Variants in ATP11A observed in about 807,000 individuals in gnomAD.
The protein encoded by ATP11A is phospholipid-transporting ATPase IH.
ATP11A carries 81 observed loss-of-function variants against 154.4 expected under a neutral mutation model. That is an observed-to-expected ratio of 0.52 (90% CI 0.44 to 0.63). The LOEUF (loss-of-function observed/expected upper bound fraction) is 0.63. ATP11A is among the 30% of genes least tolerant of loss of function. ATP11A has a pLI of 0.00. For synonymous variants in ATP11A, 623 were observed against 585.9 expected (o/e 1.06, Z -0.91); for missense variants, 1,316 against 1,474.3 (o/e 0.89, Z 1.76).
At chr13:112,821,960 A>C (rs1421622255) in intron 8 of ATP11A, among the ~76,000 whole-genome samples, 1 of 151,968 alleles carries the variant, frequency 6.6e-6, no homozygotes, top group East Asian at 1.9e-4. Context: ...GCCGGGGAGG[A>C]CGCGCGTGGA....
rs1314480271 is a variant in ATP11A, at chr13:112,819,201, C to T, written c.571-103C>T. ...TGTAACTATTAAACATTTACAAACT[C>T]ATAGGGTCAGCCAGGCTTTGTAATC... On this transcript the variant is annotated intron_variant, in intron 6 of 29. Transcript: ENST00000375645. 11 of 926,096 alleles carry T rather than the reference C, an allele frequency of 1.2e-5. No individual in the cohort carries two copies. In the Admixed American group the frequency reaches 1.5e-4, roughly 13 times the overall value. 57.4% of individuals were successfully genotyped at this position (926,096 alleles called of 1,614,324 possible).
At position 112,858,166 on chromosome 13, in the gene ATP11A, G is replaced by A. The variant is rs148488854; in HGVS notation, c.2543G>A (p.Arg848His). Reference sequence around the variant, plus strand: ...CTAGGTGTCATCGGCAAGGAAGGCCGCCAGGCTGCCAGGAACAGCGACTAT... The same window carrying A: ...CTAGGTGTCATCGGCAAGGAAGGCCACCAGGCTGCCAGGAACAGCGACTAT... ...VGIGVIGKEG[R>H]QAARNSDYAI... The change falls in exon 22 of 30, where the codon CGC becomes CAC. Residue 848 changes from arginine (R) to histidine (H), a missense_variant. Arg to His is a conservative substitution (Grantham distance 29). Coordinates refer to ENST00000375645, the MANE Select transcript of ATP11A (RefSeq NM_015205.3). 51 of 1,613,646 alleles carry A rather than the reference G, an allele frequency of 3.2e-5. 1 individual carries two copies. The highest frequency in any genetic ancestry group is 8.8e-5 in the South Asian group (8 of 91,074).
intron 27 of ATP11A, among the ~76,000 whole-genome samples, chr13:112,873,977 A>C (rs2080633820): frequency 6.6e-6 from 1 of 152,216 alleles, no homozygotes; most frequent in South Asian, 2.1e-4. Flanking sequence ...TGTCAGATTG[A>C]AAGGCCAGAG....
intron 13 of ATP11A, among the ~76,000 whole-genome samples, chr13:112,832,155 C>T (rs2079112036): frequency 6.6e-6 from 1 of 152,208 alleles, no homozygotes; most frequent in Non-Finnish European, 1.5e-5. Flanking sequence ...CACATGCACT[C>T]TCACACACGC....
chr13:112,812,636 A>AC (rs1566518423), intron 5 of ATP11A, among the ~76,000 whole-genome samples: 1 of 151,140 alleles, frequency 6.6e-6, no homozygotes, highest in African/African-American at 2.4e-5. Flanking sequence ...TCAACCACTA[A>AC]CCCCCCACCG....
intron 8 of ATP11A, 31 bp downstream of exon 8, chr13:112,819,981 G>T (rs144474738): frequency 1.9e-6 from 3 of 1,558,124 alleles, no homozygotes; most frequent in East Asian, 4.7e-5. Context: ...CTTGGCCACG[G>T]TCACCTCCCT....
At position 112,806,240 on chromosome 13, in the gene ATP11A, G is replaced by C. The variant is rs778422029; in HGVS notation, c.280G>C (p.Val94Leu). The change falls in exon 4 of 30, where the codon GTG (valine) becomes CTG (leucine). Residue 94 changes from valine (V) to leucine (L), a missense_variant. Val to Leu is a conservative substitution (Grantham distance 32, BLOSUM62 1). Transcript: ENST00000375645. ...GATTATTGATACACCCACAAGTCCAGTGACAAGCGGACTTCCACTCTTCTT... is the reference window on the plus strand; with the variant it reads ...GATTATTGATACACCCACAAGTCCACTGACAAGCGGACTTCCACTCTTCTT... Reference protein sequence around the residue: ...QLIIDTPTSPVTSGLPLFFVI... With the variant: ...QLIIDTPTSPLTSGLPLFFVI... 3.7e-6 allele frequency: 6 copies of C among 1,613,672 alleles called. No homozygotes were observed. The highest frequency in any genetic ancestry group is 4.2e-6 in the Non-Finnish European group (5 of 1,179,762).
At position 112,746,764 on chromosome 13, in the gene ATP11A, T is replaced by C. The variant is rs546967120; in HGVS notation, c.40-38371T>C. ...CTTTTTTTGGAGAGGGAGGGTCTCA[T>C]TAGGTTGCTCAGGCTGGTATTGAAC... On this transcript the variant is annotated intron_variant, in intron 1 of 29. Coordinates refer to ENST00000375645, the MANE Select transcript of ATP11A (RefSeq NM_015205.3). This position sits in a 1 kb window ranked among gnomAD's most constrained non-coding sequence, Gnocchi z 4.1. 7.5e-4 allele frequency: 113 copies of C among 151,438 alleles called. No individual in the cohort carries two copies. The highest frequency in any genetic ancestry group is 2.7e-3 in the African/African-American group (112 of 41,274). The allele number at this position is 151,438 out of a possible 1,614,324, so 9.4% of individuals were successfully genotyped here. A position where few individuals can be genotyped will look rare whatever the true frequency, so the allele number is the denominator to read the frequency against.
At chr13:112,844,460 A>G (rs1420208810) in intron 17 of ATP11A, among the ~76,000 whole-genome samples, 1 of 152,192 alleles carries the variant, frequency 6.6e-6, no homozygotes, top group Non-Finnish European at 1.5e-5. Flanking sequence ...CCCTCACCCT[A>G]GAGACTGTCT....
At chr13:112,822,329 C>A (rs769507773) in intron 8 of ATP11A, among the ~76,000 whole-genome samples, 4 of 152,220 alleles carry the variant, frequency 2.6e-5, no homozygotes, top group African/African-American at 4.8e-5. Flanking sequence ...ATGGCAGAGA[C>A]CCTGCCTGCT....
chr13:112,787,472 T>C, intron 2 of ATP11A, among the ~76,000 whole-genome samples: 1 of 79,574 alleles, frequency 1.3e-5, no homozygotes, highest in Non-Finnish European at 2.3e-5. Flanking sequence ...CCCCTGTGGA[T>C]ACCTACTTAA....
intron 5 of ATP11A, among the ~76,000 whole-genome samples, chr13:112,814,503 T>C (rs758747634): frequency 6.6e-6 from 1 of 152,234 alleles, no homozygotes; most frequent in Non-Finnish European, 1.5e-5. Context: ...AAGTTCATGA[T>C]CCATTTTGAG....
At chr13:112,822,306 A>G (rs1287297556) in intron 8 of ATP11A, among the ~76,000 whole-genome samples, 1 of 152,216 alleles carries the variant, frequency 6.6e-6, no homozygotes, top group Non-Finnish European at 1.5e-5. Context: ...TATATCAAGA[A>G]TATAAGCCCC....
chr13:112,801,355 G>A (rs560748982), intron 2 of ATP11A, among the ~76,000 whole-genome samples: 17 of 142,726 alleles, frequency 1.2e-4, no homozygotes, highest in African/African-American at 4.5e-4. Flanking sequence ...GGTGAAAAAC[G>A]AGATGATTTC....
chr13:112,840,157 C>T (rs2079358538), intron 16 of ATP11A, among the ~76,000 whole-genome samples: 3 of 112,312 alleles, frequency 2.7e-5, no homozygotes, highest in Non-Finnish European at 4.0e-5. Context: ...TCAGCCTCCC[C>T]ACTCTCCCAT....
intron 1 of ATP11A, among the ~76,000 whole-genome samples, chr13:112,711,260 A>G: frequency 6.6e-6 from 1 of 152,234 alleles, no homozygotes; most frequent in East Asian, 1.9e-4. Flanking sequence ...CGCTTAAAAA[A>G]GTGGCTTGAA....
chr13:112,743,694 T>TTGAC (rs1335207342), intron 1 of ATP11A, among the ~76,000 whole-genome samples: 7 of 152,174 alleles, frequency 4.6e-5, no homozygotes, highest in Admixed American at 2.0e-4. Flanking sequence ...CCTGCTAGAG[T>TTGAC]TGACGGCTTA....
chr13:112,700,438 A>G (rs1179654835), intron 1 of ATP11A, among the ~76,000 whole-genome samples: 1 of 152,166 alleles, frequency 6.6e-6, no homozygotes, highest in Non-Finnish European at 1.5e-5. Context: ...GGTTGTATCC[A>G]CAGCCCCTCT....
intron 1 of ATP11A, among the ~76,000 whole-genome samples, chr13:112,714,268 C>T (rs892401325): frequency 2.0e-5 from 3 of 152,028 alleles, no homozygotes; most frequent in Admixed American, 2.0e-4. Flanking sequence ...ATTTTCCTTC[C>T]CCGATTAGCA....
Sources: gnomAD v4.1 joint callset for allele counts (sites outside exome capture counted in the v4.1 genomes callset) on GRCh38, gnomAD v4.1.1 for gene constraint, Gnocchi (gnomAD v3.1) non-coding constraint, MANE v1.5 for transcripts, NCBI Gene and HGNC (gene_info 2026-07-23, HGNC 2026-07-21) for gene names.